The following KIF14 variants were observed in gnomAD, a reference collection of about 807,000 sequenced individuals.
KIF14 encodes kinesin family member 14.
Under a neutral mutation model 176.2 loss-of-function variants are expected in KIF14, and 98 were observed. The observed-to-expected ratio is 0.56, with a 90% confidence interval of 0.47 to 0.66. The LOEUF (loss-of-function observed/expected upper bound fraction) is 0.66. KIF14 is among the 30% of genes least tolerant of loss of function. The probability of loss-of-function intolerance (pLI) is 0.00; values close to 1 mark genes in which losing one functional copy is unlikely to be tolerated. For synonymous variants in KIF14, 566 were observed against 632.2 expected (o/e 0.90, Z 1.57); for missense variants, 1,751 against 1,920.4 (o/e 0.91, Z 1.65).
rs1049420090 is a variant in KIF14, at chr1:200,555,445, C to T, written c.4363G>A (p.Glu1455Lys). The change falls in exon 28 of 30, where the codon GAA becomes AAA. Residue 1455 changes from glutamate (E) to lysine (K), a missense_variant. Coordinates refer to ENST00000367350, the MANE Select transcript of KIF14 (RefSeq NM_014875.3). ...RQCTKNEVTK[E>K]MKTNAMGLIR... ...AATCCCATGGCATTAGTTTTCATTT[C>T]TTTGGTAACCTATAGAGAATGTTAA... 2 of 1,541,488 alleles carry T rather than the reference C, an allele frequency of 1.3e-6. No homozygotes were observed. Among genetic ancestry groups the T allele is most frequent in the African/African-American group, 1.4e-5 (1 of 72,150 alleles).
At chr1:200,602,302 A>C (rs1227105114) in intron 10 of KIF14, among the ~76,000 whole-genome samples, 1 of 152,188 alleles carries the variant, frequency 6.6e-6, no homozygotes, top group African/African-American at 2.4e-5. Context: ...GAGATTCTAA[A>C]ATGTGGTGGA....
intron 23 of KIF14, among the ~76,000 whole-genome samples, chr1:200,568,495 T>A (rs1415356855): frequency 6.6e-6 from 1 of 152,234 alleles, no homozygotes; most frequent in Non-Finnish European, 1.5e-5. Context: ...CCATTAGAAC[T>A]TTTATCAAAT....
At chr1:200,600,167 T>C in intron 12 of KIF14, 54 bp from the exon 13 acceptor site, 2 of 1,358,982 alleles carry the variant, frequency 1.5e-6, no homozygotes, top group Non-Finnish European at 2.1e-6. Flanking sequence ...TGTATAAGAT[T>C]GAGAGTCAAG....
chr1:200,588,264 CAG>C (rs1196899263), intron 18 of KIF14, among the ~76,000 whole-genome samples: 6 of 137,842 alleles, frequency 4.4e-5, no homozygotes, highest in African/African-American at 1.6e-4. Flanking sequence ...TTTTTTTTGA[CAG>C]AGTCTTGCTC....
chr1:200,564,879 TCA>T (rs1240412450), intron 25 of KIF14, among the ~76,000 whole-genome samples, 188 bp downstream of exon 25: 1 of 152,256 alleles, frequency 6.6e-6, no homozygotes, highest in Non-Finnish European at 1.5e-5. Flanking sequence ...TTAGAACTAC[TCA>T]TACATAGAGA....
chr1:200,579,790 A>AT (rs1379311308), intron 21 of KIF14, among the ~76,000 whole-genome samples: 1 of 152,118 alleles, frequency 6.6e-6, no homozygotes, highest in Non-Finnish European at 1.5e-5. Context: ...ATGTGCAGAG[A>AT]TTTTTCAGTT....
intron 22 of KIF14, among the ~76,000 whole-genome samples, chr1:200,571,074 G>A (rs573752329): frequency 6.6e-6 from 1 of 152,294 alleles, no homozygotes; most frequent in African/African-American, 2.4e-5. Flanking sequence ...CCTGTGAAGT[G>A]CAGCAGTGGT....
chr1:200,618,013 C>A lies in KIF14; in HGVS notation c.711G>T (p.Thr237=). The part of the protein sequence containing the change: ...TEVVRSGHLT[T]KPTQSKLDIK... ...TATCCAACTTGCTCTGAGTAGGTTTCGTTGTCAAGTGTCCTGATCTAACAA... is the reference window on the plus strand; with the variant it reads ...TATCCAACTTGCTCTGAGTAGGTTTAGTTGTCAAGTGTCCTGATCTAACAA... The change falls in exon 2 of 30, where the codon ACG becomes ACT. Residue 237 remains threonine (T), a synonymous_variant. Coordinates refer to ENST00000367350, the MANE Select transcript of KIF14 (RefSeq NM_014875.3). The A allele has an allele frequency of 1.2e-6, 2 of 1,614,162 alleles. No homozygotes were observed. The highest frequency in any genetic ancestry group is 1.7e-6 in the Non-Finnish European group (2 of 1,180,018).
At chr1:200,609,278 C>A (rs1412051707) in intron 4 of KIF14, among the ~76,000 whole-genome samples, 1 of 152,160 alleles carries the variant, frequency 6.6e-6, no homozygotes, top group Non-Finnish European at 1.5e-5. Context: ...GAAACTGGAA[C>A]CCTCCTCCAT....
At chr1:200,586,351 T>C in intron 18 of KIF14, 124 bp from the exon 19 acceptor site, 1 of 749,144 alleles carries the variant, frequency 1.3e-6, no homozygotes, top group Non-Finnish European at 2.1e-6. Context: ...ACAATTTATA[T>C]ACCCCATAAC....
At chr1:200,601,835 CA>C in intron 11 of KIF14, 60 bp downstream of exon 11, 2 of 1,276,304 alleles carry the variant, frequency 1.6e-6, no homozygotes, top group Non-Finnish European at 2.2e-6. Context: ...TTTAAGACTG[CA>C]ACTAATATCT....
At chr1:200,555,019 T>C (rs1656758231) in intron 28 of KIF14, among the ~76,000 whole-genome samples, 1 of 152,212 alleles carries the variant, frequency 6.6e-6, no homozygotes, top group African/African-American at 2.4e-5. Context: ...TCTTTACCTG[T>C]GACATGGGAA....
intron 23 of KIF14, among the ~76,000 whole-genome samples, chr1:200,569,284 A>T (rs1657648701): frequency 6.6e-6 from 1 of 152,138 alleles, no homozygotes; most frequent in African/African-American, 2.4e-5. Context: ...TAAAATTTAC[A>T]GTGTATCCTC....
chr1:200,586,493 T>C (rs1271014656), intron 18 of KIF14, among the ~76,000 whole-genome samples: 1 of 152,126 alleles, frequency 6.6e-6, no homozygotes, highest in African/African-American at 2.4e-5. Flanking sequence ...TTATGTGCTG[T>C]ATTAAACATG....
At chr1:200,592,338 T>C in intron 15 of KIF14, 98 bp from the exon 16 acceptor site, 1 of 905,124 alleles carries the variant, frequency 1.1e-6, no homozygotes, top group East Asian at 2.6e-5. Flanking sequence ...TAGTCTAGTA[T>C]TAATGATAAA....
intron 13 of KIF14, among the ~76,000 whole-genome samples, chr1:200,599,287 G>A (rs557117861): frequency 6.6e-6 from 1 of 152,254 alleles, no homozygotes; most frequent in East Asian, 1.9e-4. Flanking sequence ...CTTTCCAATT[G>A]TATCTCCTTA....
intron 10 of KIF14, 55 bp downstream of exon 10, chr1:200,603,170 TC>T: frequency 9.7e-7 from 1 of 1,029,164 alleles, no homozygotes. Context: ...ATCATTCTTT[TC>T]CCCATAGTAT....
intron 22 of KIF14, among the ~76,000 whole-genome samples, chr1:200,571,320 G>GA (rs57110701): frequency 0.49 from 65,053 of 133,400 alleles, 16,016 homozygotes; most frequent in Non-Finnish European, 0.56. Flanking sequence ...ATCTCAAAAA[G>GA]AAAAAAAAAA....
Position 200,572,405 on chromosome 1 carries a change from C to T in KIF14, c.3567-2400G>A, listed in dbSNP as rs1418634495. ...TATCGCCCAGGCTGGAGTGCAGTGG[C>T]GCGATCTTGGCTCACTGCAAGCTCT... On this transcript the variant is annotated intron_variant, in intron 22 of 29. Transcript: ENST00000367350. 5.3e-5 allele frequency among the ~76,000 whole-genome samples: 8 copies of T among 152,168 alleles called. No individual in the cohort carries two copies. The Middle Eastern group carries it at 0.01, about 194-fold the overall frequency.
Sources: allele counts gnomAD v4.1 joint callset (sites outside exome capture counted in the v4.1 genomes callset), GRCh38; gene constraint gnomAD v4.1.1; transcripts MANE v1.5; gene names NCBI Gene and HGNC (gene_info 2026-07-23, HGNC 2026-07-21).